SDK1: variants seen among roughly 807,000 people sequenced by gnomAD.
SDK1 encodes sidekick cell adhesion molecule 1.
Under a neutral mutation model 245.5 loss-of-function variants are expected in SDK1, and 157 were observed. The ratio of observed to expected loss-of-function variants is 0.64; its 90% CI spans 0.56 to 0.73. The LOEUF (loss-of-function observed/expected upper bound fraction) is 0.73. Among genes scored for constraint, SDK1 ranks in the 30% least tolerant of loss-of-function variants. The pLI, the probability that SDK1 is intolerant of heterozygous loss-of-function variation, is 0.00. For synonymous variants in SDK1, 1,647 were observed against 1,278.5 expected (o/e 1.29, Z -6.15); for missense variants, 3,583 against 3,002.3 (o/e 1.19, Z -4.52).
chr7:4,223,727 G>A (rs1369089560), intron 40 of SDK1, among the ~76,000 whole-genome samples: 1 of 152,164 alleles, frequency 6.6e-6, no homozygotes, highest in Admixed American at 6.5e-5. Flanking sequence ...GGTATTGGGG[G>A]TTCGGACTTC....
chr7:3,355,530 T>A (rs1780766720), intron 1 of SDK1, among the ~76,000 whole-genome samples: 1 of 152,184 alleles, frequency 6.6e-6, no homozygotes, highest in Non-Finnish European at 1.5e-5. Context: ...TGTTTCCAGT[T>A]AGATTTCTTC....
chr7:4,065,724 T>G (rs1393156632), intron 19 of SDK1, among the ~76,000 whole-genome samples: 22 of 119,548 alleles, frequency 1.8e-4, no homozygotes, highest in African/African-American at 9.0e-4. Flanking sequence ...TTTTTTTTTT[T>G]TTTTTGAGGC....
chr7:4,204,703 G>A (rs974209996), intron 35 of SDK1, among the ~76,000 whole-genome samples: 4 of 152,180 alleles, frequency 2.6e-5, no homozygotes, highest in Non-Finnish European at 4.4e-5. Flanking sequence ...CAGCCCCGGC[G>A]GCAGGCGGAG....
Position 4,100,697 on chromosome 7 carries a change from A to G in SDK1, c.3325-9966A>G, listed in dbSNP as rs549308713. Among the ~76,000 whole-genome samples, 4 of 152,266 alleles carry G rather than the reference A, an allele frequency of 2.6e-5. 1 individual carries two copies. The highest frequency in any genetic ancestry group is 9.6e-5 in the African/African-American group (4 of 41,566). On this transcript the variant is annotated intron_variant, in intron 22 of 44. Transcript: ENST00000404826. ...CCTTCAGTCCCAGCGCTGTGAGGAA[A>G]TGAACTCCCATTGCTTGTAAACCAC...
At chr7:3,634,331 G>A (rs185428168) in intron 2 of SDK1, among the ~76,000 whole-genome samples, 74 of 152,260 alleles carry the variant, frequency 4.9e-4, no homozygotes, top group African/African-American at 1.5e-3. Flanking sequence ...TTCTAGGGTT[G>A]GTCCAGTGGT....
intron 4 of SDK1, among the ~76,000 whole-genome samples, chr7:3,673,573 G>C (rs899498528): frequency 6.6e-6 from 1 of 152,216 alleles, no homozygotes; most frequent in Non-Finnish European, 1.5e-5. Flanking sequence ...AACATTCACT[G>C]TGAGATGCCT....
chr7:4,258,530 G>A (rs1787765246), intron 44 of SDK1, among the ~76,000 whole-genome samples: 1 of 152,208 alleles, frequency 6.6e-6, no homozygotes. Context: ...TACAACTGGG[G>A]TTGAAGGTAT....
intron 35 of SDK1, among the ~76,000 whole-genome samples, chr7:4,186,172 A>C (rs987865662): frequency 2.0e-5 from 3 of 152,250 alleles, no homozygotes; most frequent in African/African-American, 7.2e-5. Context: ...CTGTTCATTT[A>C]TGAATCCACG....
chr7:3,989,532 A>G (rs1310394145), intron 14 of SDK1, among the ~76,000 whole-genome samples: 1 of 152,164 alleles, frequency 6.6e-6, no homozygotes, highest in Non-Finnish European at 1.5e-5. Context: ...GGCTGTTAAC[A>G]CGATCCACTT....
At chr7:4,236,521 G>A (rs1786179151) in intron 41 of SDK1, among the ~76,000 whole-genome samples, 1 of 152,148 alleles carries the variant, frequency 6.6e-6, no homozygotes, top group Middle Eastern at 3.2e-3. Context: ...TCTGTGGCCT[G>A]TGGAGGGGCC....
At chr7:3,723,100 G>A (rs1218949973) in intron 4 of SDK1, among the ~76,000 whole-genome samples, 1 of 152,248 alleles carries the variant, frequency 6.6e-6, no homozygotes, top group Non-Finnish European at 1.5e-5. Context: ...AGGAAAGAAT[G>A]TGTGAGTCCA....
chr7:3,959,602 C>G (rs1417328038), intron 8 of SDK1, among the ~76,000 whole-genome samples: 3 of 152,182 alleles, frequency 2.0e-5, no homozygotes, highest in Admixed American at 6.5e-5. Flanking sequence ...CATTGTCTGT[C>G]CTTCCACACT....
At chr7:3,673,940 T>C (rs1271042455) in intron 4 of SDK1, among the ~76,000 whole-genome samples, 3 of 152,314 alleles carry the variant, frequency 2.0e-5, no homozygotes, top group South Asian at 2.1e-4. Context: ...TAAAAATAAA[T>C]AGAAATTTGA....
intron 18 of SDK1, among the ~76,000 whole-genome samples, chr7:4,050,816 A>C (rs1430684673): frequency 6.7e-6 from 1 of 149,164 alleles, no homozygotes; most frequent in Non-Finnish European, 1.5e-5. Flanking sequence ...CTGAATTAAC[A>C]GATGGTTTCA....
At chr7:3,321,655 C>T (rs1039104007) in intron 1 of SDK1, among the ~76,000 whole-genome samples, 26 of 152,018 alleles carry the variant, frequency 1.7e-4, no homozygotes, top group African/African-American at 6.3e-4. Context: ...ATATTTAATG[C>T]AATGAATGTG....
intron 4 of SDK1, among the ~76,000 whole-genome samples, chr7:3,690,928 C>T (rs773858533): frequency 6.6e-6 from 1 of 152,170 alleles, no homozygotes; most frequent in Non-Finnish European, 1.5e-5. Context: ...TGTCTATAGG[C>T]ATTCACTGGG....
chr7:3,901,312 G>T lies in SDK1; in HGVS notation c.848-49611G>T, dbSNP rs144374342. On this transcript the variant is annotated intron_variant, in intron 5 of 44. Coordinates refer to ENST00000404826, the MANE Select transcript of SDK1 (RefSeq NM_152744.4). ...AGCGATTCTCCTGCCTCAGCCTCCCGAGTAGCTGGGACTACAGGCATGTGC... is the reference window on the plus strand; with the variant it reads ...AGCGATTCTCCTGCCTCAGCCTCCCTAGTAGCTGGGACTACAGGCATGTGC... Among the ~76,000 whole-genome samples, 1,017 of 151,842 alleles carry T rather than the reference G, an allele frequency of 6.7e-3. 13 individuals are homozygous for T. The highest frequency in any genetic ancestry group is 0.023 in the African/African-American group (970 of 41,362).
chr7:4,165,497 T>C (rs1781447665), intron 32 of SDK1, among the ~76,000 whole-genome samples: 1 of 152,190 alleles, frequency 6.6e-6, no homozygotes, highest in African/African-American at 2.4e-5. Context: ...TCCAGTTCTG[T>C]TTGAAAGCTA....
chr7:4,072,474 C>G (rs1780314405), intron 20 of SDK1, among the ~76,000 whole-genome samples: 2 of 152,338 alleles, frequency 1.3e-5, no homozygotes, highest in South Asian at 4.1e-4. Flanking sequence ...CCAGCATCAC[C>G]CTGTGCCCCC....
Sources: allele counts gnomAD v4.1 joint callset (sites outside exome capture counted in the v4.1 genomes callset), GRCh38; gene constraint gnomAD v4.1.1; transcripts MANE v1.5; gene names NCBI Gene and HGNC (gene_info 2026-07-23, HGNC 2026-07-21).